The following MRS2 variants were observed in gnomAD, a reference collection of about 807,000 sequenced individuals.
MRS2 encodes magnesium transporter MRS2, also known as magnesium transporter MRS2 homolog, mitochondrial.
In MRS2, 40 loss-of-function variants were observed where a neutral mutation model predicts 52.6. The ratio of observed to expected loss-of-function variants is 0.76; its 90% CI spans 0.59 to 0.99. MRS2 has a LOEUF of 0.99. MRS2 is among the 50% of genes least tolerant of loss of function. The pLI, the probability that MRS2 is intolerant of heterozygous loss-of-function variation, is 0.00. For synonymous variants in MRS2, 193 were observed against 195.9 expected (o/e 0.98, Z 0.13); for missense variants, 472 against 532.7 (o/e 0.89, Z 1.12).
intron 1 of MRS2, among the ~76,000 whole-genome samples, chr6:24,404,246 CTT>C (rs149770035): frequency 0.12 from 18,266 of 152,150 alleles, 1,448 homozygotes; most frequent in East Asian, 0.16. Flanking sequence ...TTGGAGGAAA[CTT>C]TTAGGACAAG....
intron 1 of MRS2, among the ~76,000 whole-genome samples, chr6:24,404,564 A>G (rs1761398688): frequency 6.6e-6 from 1 of 152,164 alleles, no homozygotes. Context: ...ATTATACTTC[A>G]CCGCTCACTT....
chr6:24,423,111 C>A, intron 10 of MRS2, 61 bp downstream of exon 10: 1 of 1,364,260 alleles, frequency 7.3e-7, no homozygotes, highest in Non-Finnish European at 1.0e-6. Context: ...GCCCTAAAGT[C>A]AGAGCGCCTG....
At position 24,403,336 on chromosome 6, in the gene MRS2, C is replaced by T. The variant is rs894570617; in HGVS notation, c.190+100C>T. 1.4e-5 allele frequency: 16 copies of T among 1,174,796 alleles called. 1 individual carries two copies. In the Admixed American group the frequency reaches 1.6e-4, roughly 11 times the overall value. The allele number at this position is 1,174,796 out of a possible 1,614,324, so 72.8% of individuals were successfully genotyped here. ...GCGCGGCGCGCCTGTTGCTCCGCGC[C>T]CTCCGCAGGCCTCGGCCTCCCGCGT... On this transcript the variant is annotated intron_variant, in intron 1 of 10. Coordinates refer to ENST00000378386, the MANE Select transcript of MRS2 (RefSeq NM_020662.4).
In MRS2 at chr6:24,423,717, GTTTTTTTTA is replaced by G. The variant is rs779637993; in HGVS notation, c.*25_*33del. On this transcript the variant is annotated 3_prime_UTR_variant, in exon 11 of 11. Transcript: ENST00000378386. ...TAGGAACAGCCCCGTGGATACTGAA[GTTTTTTTTA>G]TGGTAGTTACAGGAAACTTCTGATA... 1.4e-5 allele frequency: 18 copies of G among 1,265,776 alleles called. No individual in the cohort carries two copies. The South Asian group carries it at 2.4e-4, about 17-fold the overall frequency. 78.4% of individuals were successfully genotyped at this position (1,265,776 alleles called of 1,614,324 possible).
At chr6:24,406,733 C>G (rs1761488829) in intron 2 of MRS2, among the ~76,000 whole-genome samples, 1 of 152,116 alleles carries the variant, frequency 6.6e-6, no homozygotes, top group Non-Finnish European at 1.5e-5. Context: ...CAAGATTGCA[C>G]CACTGCACTC....
chr6:24,420,071 T>C (rs983976965), intron 9 of MRS2, among the ~76,000 whole-genome samples: 7 of 152,230 alleles, frequency 4.6e-5, no homozygotes, highest in African/African-American at 1.7e-4. Flanking sequence ...CATACAACTA[T>C]TCAATGGCTT....
intron 7 of MRS2, among the ~76,000 whole-genome samples, 191 bp from the exon 8 acceptor site, chr6:24,417,893 G>T (rs1474248628): frequency 6.6e-6 from 1 of 151,060 alleles, no homozygotes; most frequent in Non-Finnish European, 1.5e-5. Flanking sequence ...AGTGAGCCGA[G>T]ATCGCGCCAC....
At chr6:24,422,003 G>A (rs1449368343) in intron 9 of MRS2, among the ~76,000 whole-genome samples, 1 of 151,992 alleles carries the variant, frequency 6.6e-6, no homozygotes, top group East Asian at 1.9e-4. Context: ...ACAAAAATTA[G>A]CTGGGCATGG....
At chr6:24,417,084 G>A (rs1761878403) in intron 7 of MRS2, among the ~76,000 whole-genome samples, 1 of 152,152 alleles carries the variant, frequency 6.6e-6, no homozygotes, top group South Asian at 2.1e-4. Flanking sequence ...AGTTTCCACA[G>A]TCTGTACAGA....
At chr6:24,405,624 T>G (rs1335651135) in intron 2 of MRS2, among the ~76,000 whole-genome samples, 4 of 143,382 alleles carry the variant, frequency 2.8e-5, no homozygotes, top group Non-Finnish European at 1.5e-5. Flanking sequence ...GGTTCGGGGG[T>G]GGGGATGAGG....
In MRS2 at chr6:24,405,151, CTTAAT is replaced by C. The variant is rs753729511; in HGVS notation, c.191-13_191-9del. On this transcript the variant is annotated splice_polypyrimidine_tract_variant and intron_variant, in intron 1 of 10. Transcript: ENST00000378386. ...CCAATCATGTGACCACAGGAATTCTCTTAATTTATTCTTCAGGTGAAGTGCACCGG... is the reference window on the plus strand; with the variant it reads ...CCAATCATGTGACCACAGGAATTCTCTTATTCTTCAGGTGAAGTGCACCGG... 2.9e-5 allele frequency: 47 copies of C among 1,604,822 alleles called. No homozygotes were observed. Among genetic ancestry groups the C allele is most frequent in the Non-Finnish European group, 3.6e-5 (42 of 1,171,724 alleles).
At chr6:24,407,548 T>C (rs1283708150) in intron 2 of MRS2, among the ~76,000 whole-genome samples, 2 of 152,190 alleles carry the variant, frequency 1.3e-5, no homozygotes, top group Non-Finnish European at 2.9e-5. Context: ...AGCTTCAAAC[T>C]TGACTGTGGA....
At position 24,405,199 on chromosome 6, in the gene MRS2, C is replaced by T. The variant is rs766096253; in HGVS notation, c.222C>T (p.Val74=). Residue 74 remains valine, a synonymous_variant, in exon 2 of 11, where the codon GTC becomes GTT. Coordinates refer to ENST00000378386, the MANE Select transcript of MRS2 (RefSeq NM_020662.4). ...GEVHRFRTSD[V]SQATLASVAP... ...TGCACCGGTTTAGAACCTCTGACGT[C>T]TCTCAAGCCACTTTAGCCAGTGTAG... The T allele has an allele frequency of 1.9e-6, 3 of 1,613,956 alleles. No individual in the cohort carries two copies. In the South Asian group the frequency reaches 3.3e-5, roughly 18 times the overall value.
At chr6:24,410,384 TA>T (rs1390530092) in intron 4 of MRS2, among the ~76,000 whole-genome samples, 1 of 152,206 alleles carries the variant, frequency 6.6e-6, no homozygotes, top group African/African-American at 2.4e-5. Context: ...GATTCAGAGT[TA>T]ATGTGGGTTT....
At chr6:24,414,933 A>G in intron 5 of MRS2, 100 bp from the exon 6 acceptor site, 1 of 1,057,986 alleles carries the variant, frequency 9.5e-7, no homozygotes, top group Non-Finnish European at 1.3e-6. Context: ...CCAGCATTTC[A>G]AGCTACTACA....
chr6:24,407,022 G>A (rs1761499008), intron 2 of MRS2, among the ~76,000 whole-genome samples: 1 of 152,038 alleles, frequency 6.6e-6, no homozygotes, highest in African/African-American at 2.4e-5. Flanking sequence ...TATAAATATT[G>A]AGATGCAAAA....
intron 1 of MRS2, among the ~76,000 whole-genome samples, chr6:24,404,116 C>G (rs183890449): frequency 2.0e-5 from 3 of 152,322 alleles, no homozygotes; most frequent in Admixed American, 6.5e-5. Context: ...ATTGTGCTCT[C>G]AAAAGCCTCC....
In MRS2 at chr6:24,425,180, TTTGGCACACCTC is replaced by T. The variant is rs1159517086; in HGVS notation, c.*1487_*1498del. The T allele has an allele frequency of 6.6e-6, 1 of 152,190 alleles. No homozygotes were observed. Among genetic ancestry groups the T allele is most frequent in the Non-Finnish European group, 1.5e-5 (1 of 68,036 alleles). The allele number at this position is 152,190 out of a possible 1,614,324, so 9.4% of individuals were successfully genotyped here. A position where few individuals can be genotyped will look rare whatever the true frequency, so the allele number is the denominator to read the frequency against. ...ATACTTATATTTCACAGGGCACACT[TTTGGCACACCTC>T]AGAGCACACTGCTGCTATTTTGGGT... On this transcript the variant is annotated 3_prime_UTR_variant, in exon 11 of 11. Coordinates refer to ENST00000378386, the MANE Select transcript of MRS2 (RefSeq NM_020662.4).
intron 10 of MRS2, 158 bp from the exon 11 acceptor site, chr6:24,423,426 T>C (rs1762122471): frequency 2.1e-6 from 1 of 485,278 alleles, no homozygotes; most frequent in East Asian, 3.2e-5. Context: ...TTCACCTCCA[T>C]TTTCTTTGTA....
Sources: gnomAD v4.1 joint callset for allele counts (sites outside exome capture counted in the v4.1 genomes callset) on GRCh38, gnomAD v4.1.1 for gene constraint, MANE v1.5 for transcripts, NCBI Gene and HGNC (gene_info 2026-07-23, HGNC 2026-07-21) for gene names.